The following MACROD2 variants were observed in gnomAD, a reference collection of about 807,000 sequenced individuals.
The protein encoded by MACROD2 is ADP-ribose glycohydrolase MACROD2.
MACROD2 carries 36 observed loss-of-function variants against 70.4 expected under a neutral mutation model. That is an observed-to-expected ratio of 0.51 (90% CI 0.39 to 0.68). The LOEUF is 0.68. Among genes scored for constraint, MACROD2 ranks in the 30% least tolerant of loss-of-function variants. The pLI, the probability that MACROD2 is intolerant of heterozygous loss-of-function variation, is 0.00. For synonymous variants in MACROD2, 172 were observed against 178.8 expected (o/e 0.96, Z 0.30); for missense variants, 496 against 538.4 (o/e 0.92, Z 0.78).
At chr20:15,645,766 G>T (rs2049532009) in intron 8 of MACROD2, among the ~76,000 whole-genome samples, 1 of 152,156 alleles carries the variant, frequency 6.6e-6, no homozygotes, top group African/African-American at 2.4e-5. Flanking sequence ...ATAATATGTG[G>T]TATTAAGGAC....
chr20:15,501,162 C>T (rs747300701), intron 8 of MACROD2, among the ~76,000 whole-genome samples: 6 of 152,342 alleles, frequency 3.9e-5, no homozygotes, highest in Non-Finnish European at 7.3e-5. Flanking sequence ...GAAAGAGAAA[C>T]TCAGTTCCTT....
chr20:14,540,151 T>G (rs141325252), intron 4 of MACROD2, among the ~76,000 whole-genome samples: 1 of 152,326 alleles, frequency 6.6e-6, no homozygotes, highest in African/African-American at 2.4e-5. Context: ...TCCCAATTTA[T>G]TAAAAATAAA....
chr20:15,897,399 C>G (rs1039425350), intron 10 of MACROD2, among the ~76,000 whole-genome samples: 1 of 151,956 alleles, frequency 6.6e-6, no homozygotes, highest in African/African-American at 2.4e-5. Flanking sequence ...TTTTATATAT[C>G]CTTCTTAGAA....
At chr20:15,514,413 T>C (rs1027332978) in intron 8 of MACROD2, among the ~76,000 whole-genome samples, 2 of 152,350 alleles carry the variant, frequency 1.3e-5, no homozygotes, top group Non-Finnish European at 2.9e-5. Context: ...TGTTCAGATA[T>C]GTTTAGATAC....
At position 15,297,052 on chromosome 20, in the gene MACROD2, T is replaced by C. The variant is rs1600212925; in HGVS notation, c.540+66991T>C. 2.0e-5 allele frequency among the ~76,000 whole-genome samples: 3 copies of C among 152,178 alleles called. No individual in the cohort carries two copies. In the South Asian group the frequency reaches 6.2e-4, roughly 31 times the overall value. On this transcript the variant is annotated intron_variant, in intron 6 of 17. Coordinates refer to ENST00000684519, the MANE Select transcript of MACROD2 (RefSeq NM_001351661.2). ...CCCCATGGTCAGATACCCTGTGGTT[T>C]CCAGTGCTGGGCGGCTTACACAGGA...
intron 5 of MACROD2, among the ~76,000 whole-genome samples, chr20:15,107,377 TACC>T (rs2075919209): frequency 3.9e-5 from 6 of 151,996 alleles, no homozygotes; most frequent in Non-Finnish European, 7.4e-5. Context: ...AAAAAAAAAC[TACC>T]ATTTGTTGTC....
intron 5 of MACROD2, among the ~76,000 whole-genome samples, chr20:14,821,810 A>T (rs2072848025): frequency 6.6e-6 from 1 of 151,786 alleles, no homozygotes. Flanking sequence ...TCCAAGACCC[A>T]CTCTGGCACT....
At chr20:15,827,750 C>T (rs1568583800) in intron 8 of MACROD2, among the ~76,000 whole-genome samples, 1 of 152,152 alleles carries the variant, frequency 6.6e-6, no homozygotes, top group Admixed American at 6.5e-5. Context: ...TGCTGACTAC[C>T]TTTCATGCTA....
At chr20:14,092,596 G>A (rs1267183307) in intron 3 of MACROD2, among the ~76,000 whole-genome samples, 1 of 151,958 alleles carries the variant, frequency 6.6e-6, no homozygotes, top group Non-Finnish European at 1.5e-5. Flanking sequence ...AAGCTTTTTG[G>A]TATTATGCTC....
intron 5 of MACROD2, among the ~76,000 whole-genome samples, chr20:15,007,204 A>T (rs995500090): frequency 6.6e-6 from 1 of 151,980 alleles, no homozygotes; most frequent in African/African-American, 2.4e-5. Flanking sequence ...CTCTACTAAA[A>T]ATACAAAAAA....
At chr20:15,122,689 A>G (rs1281299832) in intron 5 of MACROD2, among the ~76,000 whole-genome samples, 1 of 152,138 alleles carries the variant, frequency 6.6e-6, no homozygotes, top group Non-Finnish European at 1.5e-5. Flanking sequence ...TGCATTCTAT[A>G]CATGTCTCTC....
chr20:14,401,098 CAATT>C (rs1374096646), intron 3 of MACROD2, among the ~76,000 whole-genome samples: 1 of 152,144 alleles, frequency 6.6e-6, no homozygotes, highest in African/African-American at 2.4e-5. Context: ...TTCTTCAAAT[CAATT>C]AATCATTCCA....
intron 13 of MACROD2, among the ~76,000 whole-genome samples, chr20:15,981,545 A>G (rs376779769): frequency 6.6e-6 from 1 of 152,116 alleles, no homozygotes; most frequent in African/African-American, 2.4e-5. Context: ...CTCTTATTAC[A>G]GTTTTTCTAC....
At chr20:14,520,600 C>T (rs961816789) in intron 4 of MACROD2, among the ~76,000 whole-genome samples, 21 of 151,456 alleles carry the variant, frequency 1.4e-4, no homozygotes, top group Non-Finnish European at 1.5e-5. Context: ...TATAATCTTT[C>T]GCTCCTTGCT....
intron 4 of MACROD2, among the ~76,000 whole-genome samples, chr20:14,665,092 C>T (rs1600515316): frequency 1.3e-5 from 2 of 152,118 alleles, no homozygotes; most frequent in Non-Finnish European, 2.9e-5. Flanking sequence ...TGTTAGATGT[C>T]ATCATTATTA....
chr20:14,946,871 T>C (rs1381807637), intron 5 of MACROD2, among the ~76,000 whole-genome samples: 1 of 152,176 alleles, frequency 6.6e-6, no homozygotes, highest in Non-Finnish European at 1.5e-5. Flanking sequence ...AATTTTGTAT[T>C]CTCCCCCAAT....
chr20:15,636,564 A>G (rs187714444), intron 8 of MACROD2, among the ~76,000 whole-genome samples: 74 of 152,284 alleles, frequency 4.9e-4, no homozygotes, highest in Non-Finnish European at 1.6e-4. Context: ...CAGTGTTTAT[A>G]TAGTCAGATC....
intron 8 of MACROD2, among the ~76,000 whole-genome samples, chr20:15,632,199 A>AGAATAAAAATAAAAT (rs1473607619): frequency 1.3e-5 from 2 of 151,526 alleles, no homozygotes; most frequent in Non-Finnish European, 2.9e-5. Flanking sequence ...ATAAAAATAA[A>AGAATAAAAATAAAAT]GAATAAAAAT....
chr20:15,028,153 A>G (rs1680778802), intron 5 of MACROD2, among the ~76,000 whole-genome samples: 1 of 152,204 alleles, frequency 6.6e-6, no homozygotes, highest in Non-Finnish European at 1.5e-5. Flanking sequence ...CCCTGGAGGG[A>G]AGACCAGTGG....
Sources: allele counts gnomAD v4.1 joint callset (sites outside exome capture counted in the v4.1 genomes callset), GRCh38; gene constraint gnomAD v4.1.1; transcripts MANE v1.5; gene names NCBI Gene and HGNC (gene_info 2026-07-23, HGNC 2026-07-21).